Variants in RASEF observed in about 807,000 individuals in gnomAD.
RASEF encodes RAS and EF-hand domain containing.
Under a neutral mutation model 90.1 loss-of-function variants are expected in RASEF, and 68 were observed. The ratio of observed to expected loss-of-function variants is 0.75; its 90% confidence interval spans 0.62 to 0.92. RASEF has a LOEUF of 0.92. Ranked by LOEUF, RASEF falls within the 40% of genes least tolerant of loss-of-function variation. The pLI is 0.00. For missense variants in RASEF, 949 were observed against 937.2 expected (o/e 1.01, Z -0.16); for synonymous variants, 331 against 345.2 (o/e 0.96, Z 0.46).
chr9:83,088,391 TA>T, the RASEF span, among the ~76,000 whole-genome samples: 1 of 151,770 alleles, frequency 6.6e-6, no homozygotes, highest in South Asian at 2.1e-4. Context: ...GATAGATAGA[TA>T]GATAGATAGA....
intron 6 of RASEF, among the ~76,000 whole-genome samples, chr9:83,008,159 T>C (rs1172358654): frequency 6.6e-6 from 1 of 152,100 alleles, no homozygotes; most frequent in Non-Finnish European, 1.5e-5. Flanking sequence ...CTCCAGCCCC[T>C]ATTCCCCTGA....
At chr9:83,068,908 ATGC>A in the RASEF span, among the ~76,000 whole-genome samples, 1 of 152,254 alleles carries the variant, frequency 6.6e-6, no homozygotes. Flanking sequence ...ACTATTTGTC[ATGC>A]AAGTTTATGT....
intron 1 of RASEF, among the ~76,000 whole-genome samples, chr9:83,053,711 C>T (rs1346158312): frequency 2.7e-5 from 4 of 147,344 alleles, no homozygotes; most frequent in South Asian, 2.1e-4. Context: ...TTTAGCACTT[C>T]CTTCAGGAGC....
chr9:83,103,952 A>G, the RASEF span, among the ~76,000 whole-genome samples: 2 of 152,334 alleles, frequency 1.3e-5, no homozygotes, highest in Admixed American at 6.5e-5. Flanking sequence ...AATTTCCCCA[A>G]TCAAAGGCCC....
At chr9:83,021,309 G>A (rs557483919) in intron 3 of RASEF, among the ~76,000 whole-genome samples, 113 of 152,300 alleles carry the variant, frequency 7.4e-4, no homozygotes, top group Non-Finnish European at 1.2e-3. Flanking sequence ...ATCTGGGCCA[G>A]GATGCAAACT....
chr9:83,119,008 CTT>C, the RASEF span, among the ~76,000 whole-genome samples: 55,886 of 140,950 alleles, frequency 0.4, 10,865 homozygotes, highest in East Asian at 0.57. Flanking sequence ...TTTTTCTTTT[CTT>C]TTTTTTTTTT....
intron 4 of RASEF, among the ~76,000 whole-genome samples, chr9:83,014,198 G>C (rs146473949): frequency 2.0e-5 from 3 of 152,132 alleles, no homozygotes; most frequent in African/African-American, 7.2e-5. Context: ...TAGATATAAG[G>C]TTCAAATTGA....
intron 3 of RASEF, among the ~76,000 whole-genome samples, chr9:83,019,333 A>G (rs1829401815): frequency 6.6e-6 from 1 of 152,176 alleles, no homozygotes; most frequent in South Asian, 2.1e-4. Context: ...CAAAAAATAT[A>G]TATATATACA....
the RASEF span, among the ~76,000 whole-genome samples, chr9:83,175,292 G>T: frequency 1.3e-5 from 2 of 151,960 alleles, no homozygotes; most frequent in Non-Finnish European, 2.9e-5. Context: ...TCTATTCCCA[G>T]TTTGTTTAAT....
chr9:83,063,056 G>T lies in RASEF; in HGVS notation c.-189C>A. On this transcript the variant is annotated 5_prime_UTR_variant, in exon 1 of 17. Coordinates refer to ENST00000376447, the MANE Select transcript of RASEF (RefSeq NM_152573.4). Reference sequence around the variant, plus strand: ...GGGTGGCCGAGCGGCTCCCTTCGACGACGGTTCGGGCCAGCCCCCAACAGG... The same window carrying T: ...GGGTGGCCGAGCGGCTCCCTTCGACTACGGTTCGGGCCAGCCCCCAACAGG... The T allele has an allele frequency of 1.7e-6, 1 of 601,438 alleles. No individual in the cohort carries two copies. The highest frequency in any genetic ancestry group is 3.5e-5 in the East Asian group (1 of 28,836). 37.3% of individuals were successfully genotyped at this position (601,438 alleles called of 1,614,324 possible). A position where few individuals can be genotyped will look rare whatever the true frequency, so the allele number is the denominator to read the frequency against.
the RASEF span, among the ~76,000 whole-genome samples, chr9:83,096,678 C>T: frequency 9.2e-5 from 14 of 151,662 alleles, no homozygotes; most frequent in African/African-American, 2.4e-4. Context: ...ATGTGCAAAA[C>T]GTGCAGGTTT....
chr9:83,096,258 A>C, the RASEF span, among the ~76,000 whole-genome samples: 2 of 152,190 alleles, frequency 1.3e-5, no homozygotes, highest in Non-Finnish European at 2.9e-5. Context: ...TGCTTGGTCA[A>C]ACACCATGAG....
the RASEF span, among the ~76,000 whole-genome samples, chr9:83,208,054 C>A: frequency 6.6e-6 from 1 of 152,166 alleles, no homozygotes; most frequent in South Asian, 2.1e-4. Flanking sequence ...AAAGCAAACG[C>A]TGTATTGTCT....
At chr9:83,022,231 G>T in intron 3 of RASEF, 105 bp downstream of exon 3, 1 of 828,462 alleles carries the variant, frequency 1.2e-6, no homozygotes, top group Non-Finnish European at 2.0e-6. Context: ...GCAGAAACCT[G>T]GACTTGCTGT....
chr9:83,098,709 A>C, the RASEF span, among the ~76,000 whole-genome samples: 1 of 152,192 alleles, frequency 6.6e-6, no homozygotes, highest in Non-Finnish European at 1.5e-5. Flanking sequence ...AGGAGGAGCA[A>C]AGTCACATCT....
the RASEF span, among the ~76,000 whole-genome samples, chr9:83,099,509 A>G: frequency 6.6e-6 from 1 of 152,248 alleles, no homozygotes; most frequent in Admixed American, 6.5e-5. Context: ...TCAAACTTAT[A>G]TAGCAGGTAA....
At chr9:83,207,079 T>C in the RASEF span, among the ~76,000 whole-genome samples, 1 of 152,138 alleles carries the variant, frequency 6.6e-6, no homozygotes, top group South Asian at 2.1e-4. Flanking sequence ...CTGATCTTGC[T>C]CCGCACATGG....
At chr9:82,987,173 A>G (rs1022866742) in intron 16 of RASEF, among the ~76,000 whole-genome samples, 1 of 152,260 alleles carries the variant, frequency 6.6e-6, no homozygotes, top group African/African-American at 2.4e-5. Flanking sequence ...TGTGGAGACT[A>G]TAACATTTCC....
At chr9:83,118,967 T>C in the RASEF span, among the ~76,000 whole-genome samples, 1 of 151,862 alleles carries the variant, frequency 6.6e-6, no homozygotes, top group Admixed American at 6.6e-5. Context: ...CAGTAAAAAA[T>C]CTTTGTAAAA....
Sources: gnomAD v4.1 joint callset for allele counts (sites outside exome capture counted in the v4.1 genomes callset) on GRCh38, gnomAD v4.1.1 for gene constraint, MANE v1.5 for transcripts, NCBI Gene and HGNC (gene_info 2026-07-23, HGNC 2026-07-21) for gene names.